Variants in GABRG3 observed in about 807,000 individuals in gnomAD.
GABRG3 encodes gamma-aminobutyric acid receptor subunit gamma-3.
A neutral mutation model predicts 48.8 loss-of-function variants in GABRG3; 25 were observed. The ratio of observed to expected loss-of-function variants is 0.51; its 90% CI spans 0.37 to 0.72. GABRG3 has a LOEUF of 0.72. Ranked by LOEUF, GABRG3 falls within the 30% of genes least tolerant of loss-of-function variation. GABRG3 has a pLI of 0.00. For synonymous variants in GABRG3, 227 were observed against 217.6 expected (o/e 1.04, Z -0.38); for missense variants, 394 against 577.9 (o/e 0.68, Z 3.26).
At chr15:27,142,295 A>G (rs951676197) in intron 3 of GABRG3, among the ~76,000 whole-genome samples, 1 of 152,210 alleles carries the variant, frequency 6.6e-6, no homozygotes, top group Non-Finnish European at 1.5e-5. Context: ...GGGGATTTAC[A>G]AACTGAAGAG....
At chr15:27,064,699 G>A (rs1896707970) in intron 3 of GABRG3, among the ~76,000 whole-genome samples, 1 of 152,148 alleles carries the variant, frequency 6.6e-6, no homozygotes, top group African/African-American at 2.4e-5. Flanking sequence ...TGAGCGTGCA[G>A]CACGCAACCC....
At chr15:27,142,577 A>T (rs368464165) in intron 3 of GABRG3, among the ~76,000 whole-genome samples, 53 of 152,342 alleles carry the variant, frequency 3.5e-4, no homozygotes, top group African/African-American at 1.2e-3. Flanking sequence ...AATACAATTC[A>T]AGATGAGATT....
intron 3 of GABRG3, among the ~76,000 whole-genome samples, chr15:27,292,099 C>T (rs958264129): frequency 2.0e-4 from 30 of 152,216 alleles, no homozygotes; most frequent in Admixed American, 5.9e-4. Flanking sequence ...CATCCATGTC[C>T]CTGCAAAGGA....
At chr15:27,297,488 TTA>T (rs1892036050) in intron 3 of GABRG3, among the ~76,000 whole-genome samples, 1 of 152,218 alleles carries the variant, frequency 6.6e-6, no homozygotes, top group African/African-American at 2.4e-5. Context: ...CATACATTTT[TTA>T]TGTTTACATA....
At chr15:27,327,734 G>A (rs1286786399) in intron 4 of GABRG3, among the ~76,000 whole-genome samples, 8 of 152,132 alleles carry the variant, frequency 5.3e-5, no homozygotes, top group Non-Finnish European at 1.2e-4. Flanking sequence ...CCTTCTTCCT[G>A]AGGTCTCAGA....
rs1271754198 is a variant in GABRG3, at chr15:27,457,952, G to A, written c.575-22698G>A. Among the ~76,000 whole-genome samples, 1 of 152,180 alleles carries A rather than the reference G, an allele frequency of 6.6e-6. No individual in the cohort carries two copies. The highest frequency in any genetic ancestry group is 1.9e-4 in the East Asian group (1 of 5,192). The stretch of plus-strand genomic sequence containing the variant: ...CTCGTGGGACCTTATTGATGTAGCT[G>A]AAAGAGGAGGCAGAAACAGCCTGTG... On this transcript the variant is annotated intron_variant, in intron 5 of 9. Coordinates refer to ENST00000615808, the MANE Select transcript of GABRG3 (RefSeq NM_033223.5). This position sits in a 1 kb window ranked among gnomAD's most constrained non-coding sequence, Gnocchi z 4.4.
At chr15:27,206,300 T>G (rs969509395) in intron 3 of GABRG3, among the ~76,000 whole-genome samples, 37 of 152,224 alleles carry the variant, frequency 2.4e-4, no homozygotes, top group African/African-American at 8.4e-4. Flanking sequence ...TGTCTTAATT[T>G]CCTTCTTTAC....
intron 3 of GABRG3, among the ~76,000 whole-genome samples, chr15:27,292,149 G>A (rs1206944901): frequency 6.6e-6 from 1 of 152,030 alleles, no homozygotes; most frequent in Non-Finnish European, 1.5e-5. Flanking sequence ...AGTATTCCAT[G>A]GTGTATATGT....
intron 3 of GABRG3, among the ~76,000 whole-genome samples, chr15:27,265,882 GTTT>G (rs57522857): frequency 7.8e-6 from 1 of 127,594 alleles, no homozygotes; most frequent in Non-Finnish European, 1.5e-5. Flanking sequence ...TTTTCTCCTG[GTTT>G]TTTTTTTTTT....
At position 27,368,009 on chromosome 15, in the gene GABRG3, TG is replaced by T. The variant is rs1337292008; in HGVS notation, c.574+39125del. 2.0e-5 allele frequency among the ~76,000 whole-genome samples: 3 copies of T among 152,308 alleles called. No individual in the cohort carries two copies. In the East Asian group the frequency reaches 5.8e-4, roughly 29 times the overall value. On this transcript the variant is annotated intron_variant, in intron 5 of 9. Coordinates refer to ENST00000615808, the MANE Select transcript of GABRG3 (RefSeq NM_033223.5). ...TGTTCTTATCTCCCCTTCATCTCAT[TG>T]GGGTACTTTCAGGTTTGGGCCTCTC...
At chr15:27,281,470 G>T (rs1891431120) in intron 3 of GABRG3, among the ~76,000 whole-genome samples, 1 of 140,644 alleles carries the variant, frequency 7.1e-6, no homozygotes, top group Non-Finnish European at 1.5e-5. Flanking sequence ...TTTTCCTGTG[G>T]TTAATTTTTT....
intron 5 of GABRG3, among the ~76,000 whole-genome samples, chr15:27,422,963 T>C (rs1222340135): frequency 1.3e-5 from 2 of 152,242 alleles, no homozygotes; most frequent in East Asian, 3.9e-4. Context: ...AGACCACCCC[T>C]ATCCTGGGCC....
intron 5 of GABRG3, among the ~76,000 whole-genome samples, chr15:27,343,103 G>A (rs533494808): frequency 6.6e-6 from 1 of 152,340 alleles, no homozygotes; most frequent in Non-Finnish European, 1.5e-5. Context: ...GCCCTTCGCG[G>A]TGGCTCATGG....
At chr15:27,258,522 A>G (rs895791082) in intron 3 of GABRG3, among the ~76,000 whole-genome samples, 2 of 152,162 alleles carry the variant, frequency 1.3e-5, no homozygotes, top group African/African-American at 4.8e-5. Flanking sequence ...TTCTCGGGTT[A>G]CACTGCCAGC....
rs60005048 is a variant in GABRG3 at position 27,309,300 on chromosome 15, ATGTG to A, written c.271-17493_271-17490del. Among the ~76,000 whole-genome samples, 391 of 150,190 alleles carry A rather than the reference ATGTG, an allele frequency of 2.6e-3. 2 individuals are homozygous for A. Among genetic ancestry groups the A allele is most frequent in the African/African-American group, 8.3e-3 (342 of 41,122 alleles). ...TGTATATGAATTCTGTGTTTTATATATGTGTGTGTGTGTGTGTGTTTGTATATAT... is the reference window on the plus strand; with the variant it reads ...TGTATATGAATTCTGTGTTTTATATATGTGTGTGTGTGTGTTTGTATATAT... On this transcript the variant is annotated intron_variant, in intron 3 of 9. Coordinates refer to ENST00000615808, the MANE Select transcript of GABRG3 (RefSeq NM_033223.5).
chr15:27,465,172 C>G (rs926093037), intron 5 of GABRG3, among the ~76,000 whole-genome samples: 1 of 152,182 alleles, frequency 6.6e-6, no homozygotes, highest in South Asian at 2.1e-4. Flanking sequence ...CCCCTTGCCA[C>G]GTCAGCCCAC....
At chr15:27,092,718 T>TG (rs1897209581) in intron 3 of GABRG3, among the ~76,000 whole-genome samples, 1 of 152,186 alleles carries the variant, frequency 6.6e-6, no homozygotes, top group Non-Finnish European at 1.5e-5. Context: ...GCAAGTTGAA[T>TG]TACAGAGTTT....
chr15:27,462,688 A>G (rs1354095990), intron 5 of GABRG3, among the ~76,000 whole-genome samples: 1 of 152,202 alleles, frequency 6.6e-6, no homozygotes, highest in Non-Finnish European at 1.5e-5. Flanking sequence ...TTGTGCTACA[A>G]TGTGAAATAC....
At chr15:27,337,577 GTC>G (rs1894016909) in intron 5 of GABRG3, among the ~76,000 whole-genome samples, 1 of 152,180 alleles carries the variant, frequency 6.6e-6, no homozygotes, top group Non-Finnish European at 1.5e-5. Context: ...GGAAAGCACA[GTC>G]TGAGACCCAC....
Sources: allele counts gnomAD v4.1 joint callset (sites outside exome capture counted in the v4.1 genomes callset), GRCh38; gene constraint gnomAD v4.1.1; non-coding constraint Gnocchi (gnomAD v3.1); transcripts MANE v1.5; gene names NCBI Gene and HGNC (gene_info 2026-07-23, HGNC 2026-07-21).